The following ZFPM1 variants were observed in gnomAD, a reference collection of about 807,000 sequenced individuals.
The protein encoded by ZFPM1 is zinc finger protein ZFPM1.
A neutral mutation model predicts 46.3 loss-of-function variants in ZFPM1; 28 were observed. The ratio of observed to expected loss-of-function variants is 0.60; its 90% CI spans 0.45 to 0.83. The LOEUF (loss-of-function observed/expected upper bound fraction) is 0.83. ZFPM1 is among the 40% of genes least tolerant of loss of function. ZFPM1 has a pLI of 0.00. For missense variants in ZFPM1, 1,878 were observed against 1,432.4 expected, an observed-to-expected ratio of 1.31 and a Z score of -5.02; for synonymous variants, 957 against 675.9, an observed-to-expected ratio of 1.42 and a Z score of -6.45.
Position 88,453,619 on chromosome 16 carries a change from G to A in ZFPM1, c.-20G>A, listed in dbSNP as rs189408382. 6.3e-6 allele frequency: 7 copies of A among 1,106,042 alleles called. No individual in the cohort carries two copies. In the South Asian group the frequency reaches 1.7e-4, roughly 27 times the overall value. The allele number at this position is 1,106,042 out of a possible 1,614,324, so 68.5% of individuals were successfully genotyped here. ...CCGGGGCTAGAGGCGGCCGCCGGGAGGGCGCGCGGCGCCGGAGACATGTCC... is the reference window on the plus strand; with the variant it reads ...CCGGGGCTAGAGGCGGCCGCCGGGAAGGCGCGCGGCGCCGGAGACATGTCC... On this transcript the variant is annotated 5_prime_UTR_variant, in exon 1 of 10. Coordinates refer to ENST00000319555, the MANE Select transcript of ZFPM1 (RefSeq NM_153813.3).
chr16:88,469,761 A>G lies in ZFPM1; in HGVS notation c.40+16083A>G, dbSNP rs1597232361. On this transcript the variant is annotated intron_variant, in intron 1 of 9. Coordinates refer to ENST00000319555, the MANE Select transcript of ZFPM1 (RefSeq NM_153813.3). The surrounding 1 kb of genome is among the most constrained non-coding windows in gnomAD (Gnocchi z 4.3). ...AGTGGAAAATAGTGGCGGGGCGAGG[A>G]GAGAAAGAGTCTGGGCTGAGATCTA... Among the ~76,000 whole-genome samples, 1 of 151,614 alleles carries G rather than the reference A, an allele frequency of 6.6e-6. No individual in the cohort carries two copies. Among genetic ancestry groups the G allele is most frequent in the Admixed American group, 6.6e-5 (1 of 15,254 alleles).
At chr16:88,461,665 C>T (rs1256256696) in intron 1 of ZFPM1, among the ~76,000 whole-genome samples, 1 of 152,162 alleles carries the variant, frequency 6.6e-6, no homozygotes, top group African/African-American at 2.4e-5. Flanking sequence ...TTGCCAAAAG[C>T]CCTGAGGGTT....
At chr16:88,458,820 C>T (rs1355897741) in intron 1 of ZFPM1, among the ~76,000 whole-genome samples, 3 of 152,130 alleles carry the variant, frequency 2.0e-5, no homozygotes, top group African/African-American at 4.8e-5. Context: ...CCTCGTCTGC[C>T]ACCCTACACT....
At chr16:88,477,515 C>T (rs1908742464) in intron 1 of ZFPM1, among the ~76,000 whole-genome samples, 1 of 152,140 alleles carries the variant, frequency 6.6e-6, no homozygotes, top group South Asian at 2.1e-4. Context: ...GCAATCCCAA[C>T]ACTTTGGGAG....
intron 3 of ZFPM1, among the ~76,000 whole-genome samples, chr16:88,493,477 G>C (rs1422882025): frequency 1.7e-4 from 24 of 141,768 alleles, no homozygotes; most frequent in African/African-American, 6.3e-4. Flanking sequence ...CTGTCCCGGG[G>C]TGGGGAGAGC....
intron 6 of ZFPM1, chr16:88,531,148 G>T (rs1281041099): frequency 6.6e-6 from 1 of 152,236 alleles, no homozygotes; most frequent in African/African-American, 2.4e-5. Context: ...GGAATCCCAG[G>T]GCCCCTGGGT....
At chr16:88,483,073 G>A (rs1306953787) in intron 1 of ZFPM1, among the ~76,000 whole-genome samples, 1 of 152,120 alleles carries the variant, frequency 6.6e-6, no homozygotes, top group Non-Finnish European at 1.5e-5. Flanking sequence ...CCGTGTGGGC[G>A]CTTTAATGGG....
At chr16:88,502,438 C>A (rs1910418395) in intron 3 of ZFPM1, among the ~76,000 whole-genome samples, 1 of 152,144 alleles carries the variant, frequency 6.6e-6, no homozygotes. Flanking sequence ...CCTCCATGTC[C>A]CCCAACCCCG....
At chr16:88,459,491 C>T (rs555139868) in intron 1 of ZFPM1, among the ~76,000 whole-genome samples, 2 of 152,118 alleles carry the variant, frequency 1.3e-5, no homozygotes, top group South Asian at 4.2e-4. Context: ...ACCTGTTATC[C>T]GAGACAGCTG....
chr16:88,486,917 A>T (rs1333134487), intron 2 of ZFPM1, among the ~76,000 whole-genome samples: 1 of 152,118 alleles, frequency 6.6e-6, no homozygotes, highest in Non-Finnish European at 1.5e-5. Flanking sequence ...AGACCAGAGA[A>T]GTTTGGTGAC....
intron 3 of ZFPM1, among the ~76,000 whole-genome samples, chr16:88,506,885 C>T (rs573764356): frequency 4.6e-5 from 7 of 152,322 alleles, no homozygotes; most frequent in African/African-American, 1.4e-4. Flanking sequence ...TCCCGTCACC[C>T]GCGTCTCATC....
chr16:88,519,549 AGGATGGAT>A (rs373170487), intron 4 of ZFPM1, among the ~76,000 whole-genome samples: 36 of 109,662 alleles, frequency 3.3e-4, no homozygotes, highest in African/African-American at 1.1e-3. Flanking sequence ...GGTGGCTGAA[AGGATGGAT>A]GGATGGATGG....
At chr16:88,518,272 G>A (rs1450435861) in intron 4 of ZFPM1, among the ~76,000 whole-genome samples, 1 of 152,138 alleles carries the variant, frequency 6.6e-6, no homozygotes, top group Non-Finnish European at 1.5e-5. Flanking sequence ...ATGGATGGTG[G>A]ATAAGTGGAT....
At chr16:88,486,076 C>T (rs1474564679) in intron 2 of ZFPM1, 33 bp downstream of exon 2, 2 of 1,583,682 alleles carry the variant, frequency 1.3e-6, no homozygotes, top group African/African-American at 1.4e-5. Context: ...ACCGCGCCTC[C>T]AGCCGGGGCC....
At chr16:88,482,000 A>T (rs1266571832) in intron 1 of ZFPM1, among the ~76,000 whole-genome samples, 3 of 152,116 alleles carry the variant, frequency 2.0e-5, no homozygotes, top group African/African-American at 7.2e-5. Flanking sequence ...CCATCTGTAG[A>T]CCGGGAAACT....
At position 88,492,141 on chromosome 16, in the gene ZFPM1, CTCTT is replaced by C. The variant is rs1033134719; in HGVS notation, c.268+2990_268+2993del. 2.2e-4 allele frequency among the ~76,000 whole-genome samples: 33 copies of C among 152,102 alleles called. 1 individual carries two copies. Among genetic ancestry groups the C allele is most frequent in the East Asian group, 1.9e-4 (1 of 5,192 alleles). The stretch of plus-strand genomic sequence containing the variant: ...CCTCTCTCCCTTCCTCTCTCCCTCT[CTCTT>C]TGCCGTTCTCCTTCTCTCTTCCTCC... On this transcript the variant is annotated intron_variant, in intron 3 of 9. Transcript: ENST00000319555.
chr16:88,501,079 C>T (rs1297320200), intron 3 of ZFPM1, among the ~76,000 whole-genome samples: 2 of 127,358 alleles, frequency 1.6e-5, no homozygotes, highest in East Asian at 2.4e-4. Context: ...GTCATGGATG[C>T]GGGGGCCCTC....
At chr16:88,513,436 T>C (rs1911091226) in intron 3 of ZFPM1, 1 of 152,288 alleles carries the variant, frequency 6.6e-6, no homozygotes, top group African/African-American at 2.4e-5. Flanking sequence ...CAATCGGGGC[T>C]CCAGGAAGTG....
At chr16:88,500,145 C>T (rs1411570400) in intron 3 of ZFPM1, among the ~76,000 whole-genome samples, 2 of 151,986 alleles carry the variant, frequency 1.3e-5, no homozygotes, top group East Asian at 3.9e-4. Context: ...CCACCACCAG[C>T]CCCCACCCAG....
Sources: gnomAD v4.1 joint callset for allele counts (sites outside exome capture counted in the v4.1 genomes callset) on GRCh38, gnomAD v4.1.1 for gene constraint, Gnocchi (gnomAD v3.1) non-coding constraint, MANE v1.5 for transcripts, NCBI Gene and HGNC (gene_info 2026-07-23, HGNC 2026-07-21) for gene names.